SLC1A4: variants seen among roughly 807,000 people sequenced by gnomAD.
SLC1A4 encodes solute carrier family 1 member 4, also known as neutral amino acid transporter A.
Under a neutral mutation model 37.7 loss-of-function variants are expected in SLC1A4, and 19 were observed. The observed-to-expected ratio is 0.50, with a 90% CI of 0.35 to 0.74. The LOEUF (loss-of-function observed/expected upper bound fraction) is 0.74, where lower values mean the gene tolerates loss of function less well. SLC1A4 is among the 30% of genes least tolerant of loss of function. The pLI, the probability that SLC1A4 is intolerant of heterozygous loss-of-function variation, is 0.01. For synonymous variants in SLC1A4, 299 were observed against 309.8 expected (o/e 0.97, Z 0.37); for missense variants, 570 against 712.9 (o/e 0.80, Z 2.28).
chr2:64,989,331 G>A (rs1251020022), upstream of SLC1A4: 4 of 245,448 alleles, frequency 1.6e-5, no homozygotes, highest in Non-Finnish European at 2.3e-5. Context: ...GAAGTGAGCG[G>A]GCTGGGGCCG....
rs70937394 is a variant in SLC1A4, at chr2:65,002,570, CTT to C, written c.570+1104_570+1105del. ...TGCAAGTAACAGTCCTGTGACCATT[CTT>C]TTTTTTTTTTTTTTTTTTTTTTTGA... is the stretch of plus-strand genomic sequence containing the variant. On this transcript the variant is annotated intron_variant, in intron 2 of 7. Transcript: ENST00000234256. Among the ~76,000 whole-genome samples, 42 of 59,046 alleles carry C rather than the reference CTT, an allele frequency of 7.1e-4. No homozygotes were observed. In the South Asian group the frequency reaches 0.016, roughly 22 times the overall value. The allele number at this position is 59,046 out of a possible 152,430, so 38.7% of individuals were successfully genotyped here. A position where few individuals can be genotyped will look rare whatever the true frequency, so the allele number is the denominator to read the frequency against.
chr2:65,009,469 A>G (rs1463362820), intron 3 of SLC1A4, among the ~76,000 whole-genome samples: 2 of 152,218 alleles, frequency 1.3e-5, no homozygotes, highest in Admixed American at 1.3e-4. Flanking sequence ...TTTATGATAT[A>G]TATGAATCCA....
intron 3 of SLC1A4, among the ~76,000 whole-genome samples, chr2:65,007,985 C>G (rs181122876): frequency 9.8e-5 from 15 of 152,302 alleles, no homozygotes; most frequent in Non-Finnish European, 1.8e-4. Context: ...CCCTTTCCCC[C>G]CTACACCTCC....
intron 1 of SLC1A4, among the ~76,000 whole-genome samples, chr2:64,997,191 C>T (rs1362721547): frequency 2.0e-5 from 3 of 152,086 alleles, no homozygotes; most frequent in Non-Finnish European, 1.5e-5. Flanking sequence ...GAGAGCCCTT[C>T]CCAGAGATTG....
intron 1 of SLC1A4, among the ~76,000 whole-genome samples, chr2:64,993,261 C>T (rs1447065478): frequency 6.6e-6 from 1 of 152,170 alleles, no homozygotes; most frequent in Non-Finnish European, 1.5e-5. Flanking sequence ...GGTAAAGTGC[C>T]CCCAAATCCC....
intron 1 of SLC1A4, among the ~76,000 whole-genome samples, chr2:64,998,163 G>A (rs1006857178): frequency 6.6e-6 from 1 of 152,112 alleles, no homozygotes; most frequent in Non-Finnish European, 1.5e-5. Flanking sequence ...TGTGAACCTC[G>A]GAGGCGGAGC....
At chr2:64,996,249 A>C (rs949447994) in intron 1 of SLC1A4, among the ~76,000 whole-genome samples, 4 of 152,208 alleles carry the variant, frequency 2.6e-5, no homozygotes, top group Non-Finnish European at 4.4e-5. Context: ...CAATATTTTA[A>C]GTGTGATATA....
At position 65,022,540 on chromosome 2, in the gene SLC1A4, T is replaced by A. The variant is rs1425141452; in HGVS notation, c.*1394T>A. 1 of 129,208 alleles carries A rather than the reference T, an allele frequency of 7.7e-6. No individual in the cohort carries two copies. The highest frequency in any genetic ancestry group is 1.8e-5 in the Non-Finnish European group (1 of 56,676). 8.0% of individuals were successfully genotyped at this position (129,208 alleles called of 1,614,324 possible). A position where few individuals can be genotyped will look rare whatever the true frequency, so the allele number is the denominator to read the frequency against. On this transcript the variant is annotated 3_prime_UTR_variant, in exon 8 of 8. Transcript: ENST00000234256. ...GGATATCAAGTGCTAACCCAGTATGTTCTTCTTTTTTATGTAAGGGACAGC... is the reference window on the plus strand; with the variant it reads ...GGATATCAAGTGCTAACCCAGTATGATCTTCTTTTTTATGTAAGGGACAGC...
In SLC1A4 at chr2:65,021,101, C is replaced by T. The variant is rs1400435016; in HGVS notation, c.1554C>T (p.Pro518=). ...PLVTHQNPAG[P]VASAPELESK... ...TGACACACCAGAACCCCGCTGGCCC[C>T]GTGGCCAGTGCCCCAGAACTGGAAT... The change falls in exon 8 of 8, where the codon CCC becomes CCT. Residue 518 remains proline (P), a synonymous_variant. Coordinates refer to ENST00000234256, the MANE Select transcript of SLC1A4 (RefSeq NM_003038.5). 3.7e-6 allele frequency: 6 copies of T among 1,614,204 alleles called. No homozygotes were observed. Among genetic ancestry groups the T allele is most frequent in the East Asian group, 2.2e-5 (1 of 44,888 alleles).
At chr2:65,013,276 GC>G (rs1248191133) in intron 4 of SLC1A4, among the ~76,000 whole-genome samples, 1 of 152,222 alleles carries the variant, frequency 6.6e-6, no homozygotes, top group African/African-American at 2.4e-5. Context: ...AGGCTGCAGT[GC>G]AGTGGCACAA....
chr2:65,004,037 C>G, intron 3 of SLC1A4, 22 bp downstream of exon 3: 1 of 1,580,530 alleles, frequency 6.3e-7, no homozygotes, highest in South Asian at 1.1e-5. Context: ...TATAAGGTCA[C>G]TTGTAAAAAT....
rs1346367000 is a variant in SLC1A4, at chr2:65,001,497, CTTGATACT to C, written c.570+11_570+18del. On this transcript the variant is annotated splice_region_variant and intron_variant, in intron 2 of 7. Coordinates refer to ENST00000234256, the MANE Select transcript of SLC1A4 (RefSeq NM_003038.5). ...GGTTGCAGCTTTCCGTACGGTAAGGCTTGATACTTTGCTAAAAATATGAAACTTTGATG... is the reference window on the plus strand; with the variant it reads ...GGTTGCAGCTTTCCGTACGGTAAGGCTTGCTAAAAATATGAAACTTTGATG... The C allele has an allele frequency of 1.2e-6, 2 of 1,612,054 alleles. No individual in the cohort carries two copies. The highest frequency in any genetic ancestry group is 1.7e-6 in the Non-Finnish European group (2 of 1,178,280).
Position 65,020,896 on chromosome 2 carries a change from C to T in SLC1A4, c.1365-16C>T. On this transcript the variant is annotated splice_polypyrimidine_tract_variant and intron_variant, in intron 7 of 7. Coordinates refer to ENST00000234256, the MANE Select transcript of SLC1A4 (RefSeq NM_003038.5). ...CCAGCAGTAGATATAATAGCTGCCT[C>T]TTCTTTTCCCACCAGGGACCGGACC... 6.2e-7 allele frequency: 1 copy of T among 1,610,098 alleles called. No individual in the cohort carries two copies. Among genetic ancestry groups the T allele is most frequent in the East Asian group, 2.2e-5 (1 of 44,854 alleles).
chr2:65,006,654 C>T (rs902590104), intron 3 of SLC1A4, among the ~76,000 whole-genome samples: 1 of 151,056 alleles, frequency 6.6e-6, no homozygotes, highest in African/African-American at 2.4e-5. Context: ...AAGTCAAGGA[C>T]CTAGCCAGGC....
In SLC1A4 at chr2:65,022,931, AGAATGGGTAGATG is replaced by A. The variant is rs1674484422; in HGVS notation, c.*1789_*1801del. 1 of 152,230 alleles carries A rather than the reference AGAATGGGTAGATG, an allele frequency of 6.6e-6. No homozygotes were observed. The allele number at this position is 152,230 out of a possible 1,614,324, so 9.4% of individuals were successfully genotyped here. A position where few individuals can be genotyped will look rare whatever the true frequency, so the allele number is the denominator to read the frequency against. On this transcript the variant is annotated 3_prime_UTR_variant, in exon 8 of 8. Coordinates refer to ENST00000234256, the MANE Select transcript of SLC1A4 (RefSeq NM_003038.5). ...TATGGATGTGTGTACCATTGAGATG[AGAATGGGTAGATG>A]GAACGGAGACCATCAAGCCACACCC...
At chr2:65,020,843 CAG>C in intron 7 of SLC1A4, 67 bp from the exon 8 acceptor site, 1 of 1,315,214 alleles carries the variant, frequency 7.6e-7, no homozygotes, top group Non-Finnish European at 1.1e-6. Flanking sequence ...CTTCGGCATC[CAG>C]GCTGCCTGTG....
chr2:65,021,250 C>T lies in SLC1A4; in HGVS notation c.*104C>T. ...ACTGCCCTTGCCAACTTTTACCCTC[C>T]CAAGCAATGCTTTGGCCCAGTCGCT... is the stretch of plus-strand genomic sequence containing the variant. On this transcript the variant is annotated 3_prime_UTR_variant, in exon 8 of 8. Transcript: ENST00000234256. The T allele has an allele frequency of 4.5e-6, 4 of 885,642 alleles. No homozygotes were observed. Among genetic ancestry groups the T allele is most frequent in the South Asian group, 3.3e-5 (2 of 60,434 alleles). 54.9% of individuals were successfully genotyped at this position (885,642 alleles called of 1,614,324 possible). A position where few individuals can be genotyped will look rare whatever the true frequency, so the allele number is the denominator to read the frequency against.
At chr2:65,009,238 T>G (rs1673807265) in intron 3 of SLC1A4, among the ~76,000 whole-genome samples, 2 of 152,128 alleles carry the variant, frequency 1.3e-5, no homozygotes, top group African/African-American at 4.8e-5. Flanking sequence ...CTGGGCATGG[T>G]GGCGCATGCC....
At chr2:64,995,934 G>C (rs1480708428) in intron 1 of SLC1A4, among the ~76,000 whole-genome samples, 2 of 152,196 alleles carry the variant, frequency 1.3e-5, no homozygotes, top group African/African-American at 4.8e-5. Context: ...TGTGTGAGCT[G>C]CATGGGTCTG....
Sources: allele counts gnomAD v4.1 joint callset (sites outside exome capture counted in the v4.1 genomes callset), GRCh38; gene constraint gnomAD v4.1.1; transcripts MANE v1.5; gene names NCBI Gene and HGNC (gene_info 2026-07-23, HGNC 2026-07-21).